Variants in MKRN2OS observed in about 807,000 individuals in gnomAD.
MKRN2OS encodes MKRN2 opposite strand protein.
Under a neutral mutation model 18.2 loss-of-function variants are expected in MKRN2OS, and 17 were observed. The ratio of observed to expected loss-of-function variants is 0.93; its 90% CI spans 0.64 to 1.40. MKRN2OS has a LOEUF of 1.40. Among genes scored for constraint, MKRN2OS ranks in the 40% most tolerant of loss-of-function variants. MKRN2OS has a pLI of 0.00. For synonymous variants in MKRN2OS, 121 were observed against 108.5 expected (o/e 1.12, Z -0.72); for missense variants, 337 against 283.0 (o/e 1.19, Z -1.37).
upstream of MKRN2OS, chr3:12,545,523 A>T (rs879258838): frequency 7.6e-7 from 1 of 1,311,076 alleles, no homozygotes; most frequent in Non-Finnish European, 1.0e-6. Flanking sequence ...TCCTCATTAT[A>T]CACCTGGCGA....
rs2057771295 is a variant in MKRN2OS at position 12,540,045 on chromosome 3, A to G, written c.*148T>C. 8.2e-7 allele frequency: 1 copy of G among 1,212,376 alleles called. No homozygotes were observed. Among genetic ancestry groups the G allele is most frequent in the African/African-American group, 1.5e-5 (1 of 66,282 alleles). The allele number at this position is 1,212,376 out of a possible 1,614,324, so 75.1% of individuals were successfully genotyped here. On this transcript the variant is annotated 3_prime_UTR_variant, in exon 4 of 4. Coordinates refer to ENST00000564146, the MANE Select transcript of MKRN2OS (RefSeq NM_001195279.2). ...GGTGACCTACCTGTCTTAGCTTCCC[A>G]AAGTGCTGGGATTACAGGTGTGAGC...
downstream of MKRN2OS, among the ~76,000 whole-genome samples, chr3:12,552,531 C>T (rs1048725952): frequency 6.6e-6 from 1 of 150,952 alleles, no homozygotes; most frequent in South Asian, 2.1e-4. Flanking sequence ...CCTGCCTCAG[C>T]CTCCCGAGTA....
chr3:12,558,307 C>T (rs529189997), intron 1 of MKRN2OS, among the ~76,000 whole-genome samples: 1 of 152,262 alleles, frequency 6.6e-6, no homozygotes, highest in East Asian at 1.9e-4. Context: ...AAGACTTTTA[C>T]TAGGTTATTT....
At chr3:12,556,580 C>T (rs2057972920) in intron 1 of MKRN2OS, among the ~76,000 whole-genome samples, 1 of 151,972 alleles carries the variant, frequency 6.6e-6, no homozygotes, top group African/African-American at 2.4e-5. Flanking sequence ...AAAATGAAGA[C>T]TAAAACTTGT....
At chr3:12,543,711 C>G (rs1049319574) in intron 1 of MKRN2OS, among the ~76,000 whole-genome samples, 7 of 149,400 alleles carry the variant, frequency 4.7e-5, no homozygotes, top group Admixed American at 3.3e-4. Context: ...CATTGCGAAA[C>G]CTCGTCTCTA....
chr3:12,552,600 G>A (rs1021630018), downstream of MKRN2OS, among the ~76,000 whole-genome samples: 5 of 151,332 alleles, frequency 3.3e-5, no homozygotes, highest in Admixed American at 2.0e-4. Context: ...TAGTAGGGTC[G>A]GGGTTTCTCC....
At chr3:12,542,065 C>T in intron 2 of MKRN2OS, 43 bp from the exon 3 acceptor site, 2 of 1,508,812 alleles carry the variant, frequency 1.3e-6, no homozygotes, top group South Asian at 1.2e-5. Flanking sequence ...CAAGGAAACA[C>T]ACACCTCTGT....
chr3:12,541,644 G>A (rs73126365), intron 3 of MKRN2OS, among the ~76,000 whole-genome samples: 1,834 of 152,158 alleles, frequency 0.012, 28 homozygotes, highest in African/African-American at 0.042. Flanking sequence ...CTCTTACAAC[G>A]CTGTGATTTT....
At chr3:12,546,726 C>T (rs1216116919), upstream of MKRN2OS, among the ~76,000 whole-genome samples, 1 of 151,308 alleles carries the variant, frequency 6.6e-6, no homozygotes, top group Admixed American at 6.6e-5. Context: ...TACAGGTGCC[C>T]GCCACCACAC....
At chr3:12,542,725 A>C (rs78342999) in intron 2 of MKRN2OS, among the ~76,000 whole-genome samples, 2 of 120,942 alleles carry the variant, frequency 1.7e-5, no homozygotes, top group African/African-American at 3.6e-5. Flanking sequence ...AAAAAAAAAA[A>C]AAAAAAAAAC....
At chr3:12,548,118 T>C (rs1056745687), upstream of MKRN2OS, among the ~76,000 whole-genome samples, 1 of 151,930 alleles carries the variant, frequency 6.6e-6, no homozygotes, top group Non-Finnish European at 1.5e-5. Flanking sequence ...AAGACCATCC[T>C]GACCAATATG....
chr3:12,540,701 C>T (rs1178623930), intron 3 of MKRN2OS, among the ~76,000 whole-genome samples: 1 of 151,926 alleles, frequency 6.6e-6, no homozygotes, highest in African/African-American at 2.4e-5. Flanking sequence ...TGGTGAAACC[C>T]CGTCCCTACA....
intron 1 of MKRN2OS, among the ~76,000 whole-genome samples, chr3:12,544,513 T>A (rs2057858855): frequency 6.6e-6 from 1 of 151,736 alleles, no homozygotes; most frequent in South Asian, 2.1e-4. Context: ...CCGTCTCTAC[T>A]AAAAATACAA....
chr3:12,551,123 C>T (rs1359528926), downstream of MKRN2OS, among the ~76,000 whole-genome samples: 1 of 151,942 alleles, frequency 6.6e-6, no homozygotes, highest in Non-Finnish European at 1.5e-5. Flanking sequence ...AGGAGCCACC[C>T]TCCTGCCCTG....
chr3:12,549,237 C>A (rs1237808716), upstream of MKRN2OS, among the ~76,000 whole-genome samples: 1 of 150,408 alleles, frequency 6.6e-6, no homozygotes, highest in African/African-American at 2.5e-5. Flanking sequence ...GCCACCACAC[C>A]TGGCCTATGT....
Position 12,540,141 on chromosome 3 carries a change from A to G in MKRN2OS, c.*52T>C. 1 of 1,534,578 alleles carries G rather than the reference A, an allele frequency of 6.5e-7. No homozygotes were observed. Among genetic ancestry groups the G allele is most frequent in the South Asian group, 1.2e-5 (1 of 83,932 alleles). Reference sequence around the variant, plus strand: ...CATTTAGAAATCCATAGTACTGATTAAAGGTAGCAACCACCCTACCCTCCA... The same window carrying G: ...CATTTAGAAATCCATAGTACTGATTGAAGGTAGCAACCACCCTACCCTCCA... On this transcript the variant is annotated 3_prime_UTR_variant, in exon 4 of 4. Coordinates refer to ENST00000564146, the MANE Select transcript of MKRN2OS (RefSeq NM_001195279.2).
intron 1 of MKRN2OS, chr3:12,557,207 C>G (rs578236861): frequency 1.3e-6 from 2 of 1,531,832 alleles, no homozygotes; most frequent in African/African-American, 1.4e-5. Flanking sequence ...AGCTTCGGGC[C>G]GCTCCCCCAG....
At chr3:12,548,939 A>T (rs946070431), upstream of MKRN2OS, among the ~76,000 whole-genome samples, 3 of 151,780 alleles carry the variant, frequency 2.0e-5, no homozygotes, top group Admixed American at 6.6e-5. Flanking sequence ...TTTATTTTTT[A>T]TTTTATTTTA....
upstream of MKRN2OS, among the ~76,000 whole-genome samples, chr3:12,545,896 C>T (rs2057878465): frequency 6.6e-6 from 1 of 152,194 alleles, no homozygotes; most frequent in African/African-American, 2.4e-5. Context: ...AACCTCCACC[C>T]TCAGGTTCAA....
Sources: allele counts gnomAD v4.1 joint callset (sites outside exome capture counted in the v4.1 genomes callset), GRCh38; gene constraint gnomAD v4.1.1; transcripts MANE v1.5; gene names NCBI Gene and HGNC (gene_info 2026-07-23, HGNC 2026-07-21).